The following FGD6 variants were observed in gnomAD, a reference collection of about 807,000 sequenced individuals.
FGD6 encodes FYVE, RhoGEF and PH domain containing 6.
Under a neutral mutation model 149.4 loss-of-function variants are expected in FGD6, and 90 were observed. The observed-to-expected ratio is 0.60, with a 90% CI of 0.51 to 0.72. FGD6 has a LOEUF of 0.72. Ranked by LOEUF, FGD6 falls within the 30% of genes least tolerant of loss-of-function variation. FGD6 has a pLI of 0.00. For synonymous variants in FGD6, 527 were observed against 584.0 expected, an observed-to-expected ratio of 0.90 and a Z score of 1.41; for missense variants, 1,437 against 1,684.8, an observed-to-expected ratio of 0.85 and a Z score of 2.57.
At position 95,134,920 on chromosome 12, in the gene FGD6, G is replaced by A. The variant is rs1361187295; in HGVS notation, c.2995-94C>T. The A allele has an allele frequency of 2.1e-5, 19 of 903,926 alleles. No homozygotes were observed. In the Admixed American group the frequency reaches 5.2e-4, roughly 25 times the overall value. The allele number at this position is 903,926 out of a possible 1,614,324, so 56.0% of individuals were successfully genotyped here. ...CAGGAAGCCAAACTTTAAACATCAA[G>A]CAACTCTGGAAGGAGATTCGTAGAG... On this transcript the variant is annotated intron_variant, in intron 7 of 20. Transcript: ENST00000343958.
chr12:95,212,691 C>T (rs879536888), intron 1 of FGD6, among the ~76,000 whole-genome samples: 9 of 152,248 alleles, frequency 5.9e-5, no homozygotes, highest in African/African-American at 1.2e-4. Context: ...GACTGCTGGA[C>T]GTTGTTTAAT....
intron 5 of FGD6, among the ~76,000 whole-genome samples, chr12:95,150,711 G>A (rs962751026): frequency 3.3e-5 from 5 of 151,948 alleles, no homozygotes; most frequent in South Asian, 2.1e-4. Context: ...TAGGCTCAAG[G>A]GATTCTTTTG....
chr12:95,162,100 C>CAAAAAAA (rs762218917), intron 3 of FGD6, among the ~76,000 whole-genome samples: 1 of 61,806 alleles, frequency 1.6e-5, no homozygotes. Flanking sequence ...CTGAAAAATA[C>CAAAAAAA]AAAAAAAAAA....
chr12:95,208,753 G>GA (rs2056705596), intron 2 of FGD6, 90 bp downstream of exon 2: 7 of 1,424,984 alleles, frequency 4.9e-6, no homozygotes, highest in Admixed American at 2.6e-5. Context: ...TCAACCACGT[G>GA]TTTTTTTTCC....
chr12:95,184,874 C>T (rs972266507), intron 2 of FGD6, among the ~76,000 whole-genome samples: 4 of 146,412 alleles, frequency 2.7e-5, no homozygotes, highest in Admixed American at 6.8e-5. Context: ...GGAGCCACCA[C>T]ACTCAGCCTT....
At chr12:95,171,943 T>C (rs1040233382) in intron 3 of FGD6, among the ~76,000 whole-genome samples, 5 of 145,654 alleles carry the variant, frequency 3.4e-5, no homozygotes, top group African/African-American at 1.3e-4. Context: ...ATCTTTATTC[T>C]TTCCCAAAAT....
At chr12:95,115,418 C>CTTTTTTA (rs1244426311) in intron 8 of FGD6, among the ~76,000 whole-genome samples, 1 of 27,414 alleles carries the variant, frequency 3.6e-5, no homozygotes. Context: ...TTTTTTTTTG[C>CTTTTTTA]AGAGGCAGGG....
rs773989894 is a variant in FGD6, at chr12:95,133,924, C to G, written c.3082+815G>C. On this transcript the variant is annotated intron_variant, in intron 8 of 20. Transcript: ENST00000343958. The stretch of plus-strand genomic sequence containing the variant: ...GCCAGTGAATATAAAGGCCTGATTA[C>G]AGCAAGTTCCTTCACTCAAACACAG... Among the ~76,000 whole-genome samples the G allele has an allele frequency of 4.6e-4, 70 of 152,282 alleles. 1 individual carries two copies. The Middle Eastern group carries it at 0.014, about 30-fold the overall frequency.
chr12:95,116,168 C>G (rs796159574), intron 8 of FGD6, among the ~76,000 whole-genome samples: 4 of 152,334 alleles, frequency 2.6e-5, no homozygotes, highest in African/African-American at 9.6e-5. Flanking sequence ...TGACCCCACT[C>G]AGAATGCATT....
intron 8 of FGD6, among the ~76,000 whole-genome samples, chr12:95,133,646 G>A (rs993429047): frequency 5.1e-4 from 78 of 152,242 alleles, no homozygotes; most frequent in Admixed American, 4.3e-3. Context: ...TACGGTTGTG[G>A]CCACATTTTG....
chr12:95,157,951 G>A (rs932744415), intron 3 of FGD6, among the ~76,000 whole-genome samples: 7 of 152,048 alleles, frequency 4.6e-5, no homozygotes, highest in East Asian at 1.9e-4. Flanking sequence ...GGGTTCAAGC[G>A]ATTTTCCTGC....
chr12:95,100,751 AG>A (rs1878400001), intron 14 of FGD6: 1 of 505,320 alleles, frequency 2.0e-6, no homozygotes, highest in Non-Finnish European at 3.9e-6. Flanking sequence ...GCCTGGAGCA[AG>A]GATATCAATG....
intron 14 of FGD6, chr12:95,100,952 G>T: frequency 2.7e-6 from 1 of 371,478 alleles, no homozygotes; most frequent in South Asian, 2.5e-5. Flanking sequence ...GCTACCACTG[G>T]CAGGAACTTG....
Position 95,085,873 on chromosome 12 carries a change from G to A in FGD6, c.4014C>T (p.Gly1338=), listed in dbSNP as rs147286385. 11,485 of 1,611,802 alleles carry A rather than the reference G, an allele frequency of 7.1e-3. 54 individuals carry two copies. Among genetic ancestry groups the A allele is most frequent in the Middle Eastern group, 0.031 (188 of 6,050 alleles). The change falls in exon 19 of 21, where the codon GGC becomes GGT. Residue 1338 remains glycine, a synonymous_variant. Transcript: ENST00000343958. The part of the protein sequence containing the change: ...SANTEDSSMS[G]YLYRSKGNKK... The stretch of plus-strand genomic sequence containing the variant: ...TATTGCCCTTTGATCTGTACAAGTA[G>A]CCACTCATAGAAGAATCCTCTGTGT...
intron 2 of FGD6, among the ~76,000 whole-genome samples, chr12:95,174,692 G>A (rs571952649): frequency 6.4e-4 from 98 of 152,276 alleles, no homozygotes; most frequent in Middle Eastern, 3.4e-3. Flanking sequence ...ACTTTGGGAA[G>A]CTGAGGCGGG....
At chr12:95,191,822 C>T (rs900956398) in intron 2 of FGD6, among the ~76,000 whole-genome samples, 3 of 152,092 alleles carry the variant, frequency 2.0e-5, no homozygotes, top group African/African-American at 7.2e-5. Flanking sequence ...ACTGCAACCC[C>T]ACCTCCAGGT....
intron 5 of FGD6, among the ~76,000 whole-genome samples, chr12:95,150,032 AC>A (rs1201182143): frequency 1.6e-5 from 2 of 121,678 alleles, no homozygotes; most frequent in Non-Finnish European, 3.4e-5. Flanking sequence ...ACACACACAC[AC>A]TTTTTTTTTT....
At chr12:95,123,355 T>C (rs576183098) in intron 8 of FGD6, among the ~76,000 whole-genome samples, 21 of 152,174 alleles carry the variant, frequency 1.4e-4, no homozygotes, top group African/African-American at 4.1e-4. Flanking sequence ...GAAGCCCTGA[T>C]CTATCCTAGA....
intron 14 of FGD6, among the ~76,000 whole-genome samples, chr12:95,104,697 C>T (rs1878551354): frequency 6.6e-6 from 1 of 152,082 alleles, no homozygotes; most frequent in Non-Finnish European, 1.5e-5. Flanking sequence ...CCCAGCTCAG[C>T]CTCCCGAAGT....
Sources: allele counts gnomAD v4.1 joint callset (sites outside exome capture counted in the v4.1 genomes callset), GRCh38; gene constraint gnomAD v4.1.1; transcripts MANE v1.5; gene names NCBI Gene and HGNC (gene_info 2026-07-23, HGNC 2026-07-21).